The following CADM2 variants were observed in gnomAD, a reference collection of about 807,000 sequenced individuals.
CADM2 encodes the protein cell adhesion molecule 2.
A neutral mutation model predicts 49.8 loss-of-function variants in CADM2; 12 were observed. The observed-to-expected ratio is 0.24, with a 90% CI of 0.15 to 0.39. The LOEUF (loss-of-function observed/expected upper bound fraction) is 0.39, where lower values mean the gene tolerates loss of function less well. Among genes scored for constraint, CADM2 ranks in the 10% least tolerant of loss-of-function variants. The pLI is 1.00. For synonymous variants in CADM2, 214 were observed against 175.4 expected, an observed-to-expected ratio of 1.22 and a Z score of -1.74; for missense variants, 378 against 492.3, an observed-to-expected ratio of 0.77 and a Z score of 2.20.
At chr3:85,558,620 A>G (rs1411367280) in intron 1 of CADM2, among the ~76,000 whole-genome samples, 105 of 152,216 alleles carry the variant, frequency 6.9e-4, no homozygotes, top group East Asian at 7.7e-4. Flanking sequence ...ATATTGGTAC[A>G]TTATAATCTT....
intron 1 of CADM2, among the ~76,000 whole-genome samples, chr3:85,425,104 T>C (rs919420000): frequency 5.9e-5 from 9 of 152,162 alleles, no homozygotes; most frequent in African/African-American, 2.2e-4. Flanking sequence ...GTCACGAACA[T>C]ATTCTATTTA....
chr3:85,647,166 A>G (rs921131591), intron 1 of CADM2, among the ~76,000 whole-genome samples: 11 of 151,888 alleles, frequency 7.2e-5, no homozygotes, highest in Non-Finnish European at 1.3e-4. Context: ...CCAAGTACCC[A>G]TGAAAGATAC....
chr3:85,840,330 T>G (rs1266726634), intron 3 of CADM2, among the ~76,000 whole-genome samples: 2 of 151,912 alleles, frequency 1.3e-5, no homozygotes, highest in African/African-American at 4.8e-5. Flanking sequence ...CTTTCTTTGT[T>G]TCTATGAGGA....
chr3:85,257,045 T>A (rs578026485), intron 1 of CADM2, among the ~76,000 whole-genome samples: 7 of 152,132 alleles, frequency 4.6e-5, no homozygotes. Context: ...AGGTGACAGC[T>A]GTAATTACTT....
intron 8 of CADM2, among the ~76,000 whole-genome samples, chr3:86,062,163 G>C (rs1330390460): frequency 2.0e-5 from 3 of 152,178 alleles, no homozygotes; most frequent in African/African-American, 7.2e-5. Context: ...CTCTAAAAGA[G>C]TGCCCAGTTC....
chr3:86,016,274 A>G (rs1476472721), intron 8 of CADM2, among the ~76,000 whole-genome samples: 1 of 152,150 alleles, frequency 6.6e-6, no homozygotes, highest in Non-Finnish European at 1.5e-5. Flanking sequence ...TTGGGAATGT[A>G]TGCAAACATC....
At chr3:85,982,303 C>A (rs1291656646) in intron 8 of CADM2, among the ~76,000 whole-genome samples, 1 of 151,382 alleles carries the variant, frequency 6.6e-6, no homozygotes, top group Non-Finnish European at 1.5e-5. Context: ...ATTTATTTTT[C>A]CCTTAAACAC....
At position 85,280,422 on chromosome 3, in the gene CADM2, T is replaced by C. The variant is rs2043472283; in HGVS notation, c.61+320754T>C. On this transcript the variant is annotated intron_variant, in intron 1 of 9. Transcript: ENST00000383699. ...ATTTCTGCTGAAAAGTCTTCTGATA[T>C]TCTTATTGAGATTCTCCTGTACATT... 2.0e-5 allele frequency among the ~76,000 whole-genome samples: 3 copies of C among 151,764 alleles called. No homozygotes were observed. In the South Asian group the frequency reaches 6.2e-4, roughly 31 times the overall value.
At chr3:85,560,157 G>A (rs1226347546) in intron 1 of CADM2, among the ~76,000 whole-genome samples, 1 of 152,166 alleles carries the variant, frequency 6.6e-6, no homozygotes, top group Non-Finnish European at 1.5e-5. Context: ...ACTCTTTCCA[G>A]AAAACATTCC....
intron 1 of CADM2, among the ~76,000 whole-genome samples, chr3:85,550,981 T>C (rs1483533155): frequency 1.3e-5 from 2 of 151,748 alleles, no homozygotes; most frequent in Non-Finnish European, 2.9e-5. Context: ...TTTGTTTGTT[T>C]ATTTATTTAT....
intron 1 of CADM2, among the ~76,000 whole-genome samples, chr3:85,695,749 A>T (rs2066533160): frequency 6.6e-6 from 1 of 152,018 alleles, no homozygotes; most frequent in African/African-American, 2.4e-5. Flanking sequence ...TGATGTAATG[A>T]CTTTTTTCAC....
intron 1 of CADM2, among the ~76,000 whole-genome samples, chr3:85,252,846 G>T (rs1023154949): frequency 4.0e-5 from 6 of 151,210 alleles, no homozygotes; most frequent in African/African-American, 1.5e-4. Flanking sequence ...GAATCTGACT[G>T]CTAACAAACC....
intron 1 of CADM2, among the ~76,000 whole-genome samples, chr3:85,214,527 A>G (rs2041876220): frequency 6.6e-6 from 1 of 151,816 alleles, no homozygotes; most frequent in African/African-American, 2.4e-5. Context: ...CAGGGTGATG[A>G]ATCTCCCCCA....
At chr3:85,184,379 C>T (rs1262300464) in intron 1 of CADM2, among the ~76,000 whole-genome samples, 1 of 152,068 alleles carries the variant, frequency 6.6e-6, no homozygotes, top group African/African-American at 2.4e-5. Flanking sequence ...TTCTGATTAT[C>T]TTCTAGGGCT....
In CADM2 at chr3:86,061,288, G is replaced by T. The variant is rs535221134; in HGVS notation, c.971-4317G>T. Among the ~76,000 whole-genome samples, 4 of 152,084 alleles carry T rather than the reference G, an allele frequency of 2.6e-5. No homozygotes were observed. The East Asian group carries it at 7.7e-4, about 29-fold the overall frequency. On this transcript the variant is annotated intron_variant, in intron 8 of 9. Transcript: ENST00000383699. The stretch of plus-strand genomic sequence containing the variant: ...AATTTTTCTGAACTTGATAGGGGGT[G>T]TTTTTAGAAGTCCTTCAACTGATTT...
chr3:85,626,562 T>C (rs1276835782), intron 1 of CADM2, among the ~76,000 whole-genome samples: 1 of 152,058 alleles, frequency 6.6e-6, no homozygotes, highest in Non-Finnish European at 1.5e-5. Context: ...TTTTTATAAT[T>C]ATACCTGATA....
chr3:85,004,021 C>T (rs1186184210), intron 1 of CADM2, among the ~76,000 whole-genome samples: 1 of 151,946 alleles, frequency 6.6e-6, no homozygotes, highest in Non-Finnish European at 1.5e-5. Context: ...AATGTTTTTT[C>T]GGTTCACAAA....
At chr3:85,532,096 G>A (rs916485487) in intron 1 of CADM2, among the ~76,000 whole-genome samples, 4 of 152,136 alleles carry the variant, frequency 2.6e-5, no homozygotes, top group Non-Finnish European at 4.4e-5. Context: ...AGAATGGCGT[G>A]AACCCAGGAG....
chr3:85,905,985 A>T (rs1399925043), intron 5 of CADM2, among the ~76,000 whole-genome samples: 1 of 152,306 alleles, frequency 6.6e-6, no homozygotes, highest in East Asian at 1.9e-4. Flanking sequence ...TGAGTGCTGC[A>T]GGACTCCATG....
Sources: gnomAD v4.1 joint callset for allele counts (sites outside exome capture counted in the v4.1 genomes callset) on GRCh38, gnomAD v4.1.1 for gene constraint, MANE v1.5 for transcripts, NCBI Gene and HGNC (gene_info 2026-07-23, HGNC 2026-07-21) for gene names.